GRIN2B: variants seen among roughly 807,000 people sequenced by gnomAD.
The protein encoded by GRIN2B is glutamate ionotropic receptor NMDA type subunit 2B.
GRIN2B carries 5 observed loss-of-function variants against 114.5 expected under a neutral mutation model. The observed-to-expected ratio is 0.04, with a 90% confidence interval of 0.02 to 0.09. The LOEUF is 0.09. GRIN2B is among the 10% of genes least tolerant of loss of function. The pLI, the probability that GRIN2B is intolerant of heterozygous loss-of-function variation, is 1.00. For missense variants in GRIN2B, 1,108 were observed against 1,943.5 expected (o/e 0.57, Z 8.08); for synonymous variants, 787 against 745.1 (o/e 1.06, Z -0.92).
intron 2 of GRIN2B, among the ~76,000 whole-genome samples, chr12:13,969,436 T>A (rs1162507987): frequency 6.6e-6 from 1 of 152,232 alleles, no homozygotes; most frequent in African/African-American, 2.4e-5. Context: ...TCTCTACTCC[T>A]CAGTTTATCT....
At chr12:13,734,699 T>C (rs923792824) in intron 4 of GRIN2B, among the ~76,000 whole-genome samples, 1 of 152,186 alleles carries the variant, frequency 6.6e-6, no homozygotes, top group African/African-American at 2.4e-5. Flanking sequence ...TGTGAACTGT[T>C]TGCACATCTA....
Position 13,865,939 on chromosome 12 carries a change from A to G in GRIN2B, c.270T>C (p.Ser90=), listed in dbSNP as rs540429850. 28 of 1,614,116 alleles carry G rather than the reference A, an allele frequency of 1.7e-5. 1 individual carries two copies. The South Asian group carries it at 3.0e-4, about 17-fold the overall frequency. The change falls in exon 3 of 14, where the codon TCT becomes TCC. Residue 90 remains serine, a synonymous_variant. Transcript: ENST00000609686. ...ACACCACCCCCTGGATCTTCCGGTC[A>G]GACATGAGATCACAGATGCGGGTGA... ...SIITRICDLM[S]DRKIQGVVFA...
At chr12:13,857,370 CAT>C (rs1371275398) in intron 3 of GRIN2B, among the ~76,000 whole-genome samples, 3 of 139,896 alleles carry the variant, frequency 2.1e-5, no homozygotes, top group Non-Finnish European at 4.6e-5. Context: ...CGCACGCGTG[CAT>C]ACACACACAC....
intron 3 of GRIN2B, among the ~76,000 whole-genome samples, chr12:13,779,637 T>G (rs1209069798): frequency 6.6e-6 from 1 of 152,250 alleles, no homozygotes; most frequent in Non-Finnish European, 1.5e-5. Flanking sequence ...ATATAAACCC[T>G]TTAATTCCTA....
At chr12:13,822,519 G>C (rs751768214) in intron 3 of GRIN2B, among the ~76,000 whole-genome samples, 14 of 152,126 alleles carry the variant, frequency 9.2e-5, no homozygotes, top group Non-Finnish European at 1.8e-4. Context: ...AAAGGGTAAA[G>C]AGATGAGGAA....
chr12:13,859,757 A>G (rs1158379474), intron 3 of GRIN2B, among the ~76,000 whole-genome samples: 1 of 152,232 alleles, frequency 6.6e-6, no homozygotes, highest in Non-Finnish European at 1.5e-5. Flanking sequence ...CCATCAAGAA[A>G]GAAGAAATAC....
chr12:13,812,668 G>A (rs1257022687), intron 3 of GRIN2B, among the ~76,000 whole-genome samples: 2 of 152,052 alleles, frequency 1.3e-5, no homozygotes, highest in Non-Finnish European at 2.9e-5. Flanking sequence ...TAAGAGATTA[G>A]AGCACAACCT....
At chr12:13,813,155 G>C (rs1190746774) in intron 3 of GRIN2B, among the ~76,000 whole-genome samples, 1 of 152,000 alleles carries the variant, frequency 6.6e-6, no homozygotes, top group Non-Finnish European at 1.5e-5. Flanking sequence ...GGCCAGGCTG[G>C]TCTCGAACTC....
At chr12:13,838,175 G>A (rs1565557414) in intron 3 of GRIN2B, among the ~76,000 whole-genome samples, 1 of 152,222 alleles carries the variant, frequency 6.6e-6, no homozygotes, top group East Asian at 1.9e-4. Context: ...TAGCAAATGG[G>A]AAAATGAGAA....
rs78418461 is a variant in GRIN2B at position 13,944,743 on chromosome 12, A to G, written c.-19+35185T>C. ...CCCATAACTGACTTGAGTCCAAAAAAGAAACATTTCTTATAGTTTTAACAT... is the reference window on the plus strand; with the variant it reads ...CCCATAACTGACTTGAGTCCAAAAAGGAAACATTTCTTATAGTTTTAACAT... On this transcript the variant is annotated intron_variant, in intron 2 of 13. Transcript: ENST00000609686. Among the ~76,000 whole-genome samples the G allele has an allele frequency of 1.8e-3, 275 of 152,324 alleles. 1 individual carries two copies. The highest frequency in any genetic ancestry group is 6.3e-3 in the African/African-American group (262 of 41,576).
chr12:13,729,946 T>C (rs1863056502), intron 4 of GRIN2B, among the ~76,000 whole-genome samples: 1 of 151,606 alleles, frequency 6.6e-6, no homozygotes, highest in South Asian at 2.1e-4. Context: ...ATCTAAATTG[T>C]CAGCACATGT....
At position 13,857,053 on chromosome 12, in the gene GRIN2B, G is replaced by T. The variant is rs1398408973; in HGVS notation, c.411+8745C>A. Among the ~76,000 whole-genome samples the T allele has an allele frequency of 3.9e-5, 6 of 152,170 alleles. No homozygotes were observed. The East Asian group carries it at 1.2e-3, about 29-fold the overall frequency. Reference sequence around the variant, plus strand: ...GTCAACAGTATTCAGTGCTGCAGAAGGTCAAGAACAACTTGAAAAGTCCAT... The same window carrying T: ...GTCAACAGTATTCAGTGCTGCAGAATGTCAAGAACAACTTGAAAAGTCCAT... On this transcript the variant is annotated intron_variant, in intron 3 of 13. Transcript: ENST00000609686.
At chr12:13,839,438 C>G (rs984720716) in intron 3 of GRIN2B, among the ~76,000 whole-genome samples, 1 of 152,166 alleles carries the variant, frequency 6.6e-6, no homozygotes, top group African/African-American at 2.4e-5. Flanking sequence ...CACATACAAT[C>G]GTCATGGTGA....
chr12:13,744,366 A>T (rs1476653660), intron 4 of GRIN2B, among the ~76,000 whole-genome samples: 1 of 152,226 alleles, frequency 6.6e-6, no homozygotes, highest in Admixed American at 6.5e-5. Flanking sequence ...GACAAATGCA[A>T]ATATACATAA....
rs1384884839 is a variant in GRIN2B at position 13,548,549 on chromosome 12, C to G, written c.*14234G>C. 3 of 150,996 alleles carry G rather than the reference C, an allele frequency of 2.0e-5. No individual in the cohort carries two copies. Among genetic ancestry groups the G allele is most frequent in the Middle Eastern group, 3.4e-3 (1 of 292 alleles). The allele number at this position is 150,996 out of a possible 1,614,324, so 9.4% of individuals were successfully genotyped here. A position where few individuals can be genotyped will look rare whatever the true frequency, so the allele number is the denominator to read the frequency against. ...GTCATCTTGGGGGAATAAGATGCTC[C>G]AAATACTCATCAGCTGTTGGCCCTG... On this transcript the variant is annotated 3_prime_UTR_variant, in exon 14 of 14. Coordinates refer to ENST00000609686, the MANE Select transcript of GRIN2B (RefSeq NM_000834.5).
intron 3 of GRIN2B, among the ~76,000 whole-genome samples, chr12:13,864,675 G>A (rs1354194133): frequency 1.3e-5 from 2 of 152,182 alleles, no homozygotes; most frequent in Admixed American, 6.5e-5. Flanking sequence ...ACCCAAAGCA[G>A]AATAAAACGC....
chr12:13,934,864 T>C (rs1015117862), intron 2 of GRIN2B, among the ~76,000 whole-genome samples: 5 of 152,214 alleles, frequency 3.3e-5, no homozygotes, highest in African/African-American at 1.2e-4. Flanking sequence ...CCTCTGATCA[T>C]CTGTCAAGGC....
chr12:13,565,858 G>A (rs1386261641), intron 13 of GRIN2B, among the ~76,000 whole-genome samples: 8 of 152,176 alleles, frequency 5.3e-5, no homozygotes, highest in Non-Finnish European at 2.9e-5. Context: ...TTCAAGGTAA[G>A]GTTATTCCAC....
rs190034740 is a variant in GRIN2B, at chr12:13,719,512, T to C, written c.1010+33805A>G. 1.3e-4 allele frequency among the ~76,000 whole-genome samples: 20 copies of C among 152,100 alleles called. 1 individual carries two copies. The highest frequency in any genetic ancestry group is 1.3e-3 in the Admixed American group (20 of 15,266). On this transcript the variant is annotated intron_variant, in intron 4 of 13. Transcript: ENST00000609686. ...GAGAAGTCCATCTTAACAACCAAAA[T>C]GGTGGTAACACTGATTACCACCATG... is the stretch of plus-strand genomic sequence containing the variant.
Sources: gnomAD v4.1 joint callset for allele counts (sites outside exome capture counted in the v4.1 genomes callset) on GRCh38, gnomAD v4.1.1 for gene constraint, MANE v1.5 for transcripts, NCBI Gene and HGNC (gene_info 2026-07-23, HGNC 2026-07-21) for gene names.